The following CHID1 variants were observed in gnomAD, a reference collection of about 807,000 sequenced individuals.
The protein encoded by CHID1 is chitinase domain-containing protein 1.
Under a neutral mutation model 55.4 loss-of-function variants are expected in CHID1, and 44 were observed. The ratio of observed to expected loss-of-function variants is 0.79; its 90% CI spans 0.62 to 1.02. The LOEUF (loss-of-function observed/expected upper bound fraction) is 1.02. Among genes scored for constraint, CHID1 ranks in the 50% least tolerant of loss-of-function variants. The pLI, the probability that CHID1 is intolerant of heterozygous loss-of-function variation, is 0.00. For missense variants in CHID1, 491 were observed against 515.3 expected, an observed-to-expected ratio of 0.95 and a Z score of 0.46; for synonymous variants, 216 against 212.9, an observed-to-expected ratio of 1.01 and a Z score of -0.13.
At chr11:906,787 G>C (rs1039781265) in intron 1 of CHID1, among the ~76,000 whole-genome samples, 1 of 152,120 alleles carries the variant, frequency 6.6e-6, no homozygotes, top group East Asian at 1.9e-4. Context: ...ACACCACGTC[G>C]GGAGGCCAAG....
intron 8 of CHID1, among the ~76,000 whole-genome samples, chr11:886,946 C>T (rs1293445798): frequency 1.3e-5 from 2 of 152,238 alleles, no homozygotes; most frequent in East Asian, 1.9e-4. Flanking sequence ...CCCATCAGCT[C>T]CATGCACGCA....
chr11:877,363 C>G (rs1849585917), intron 10 of CHID1, among the ~76,000 whole-genome samples: 2 of 152,232 alleles, frequency 1.3e-5, no homozygotes, highest in East Asian at 3.8e-4. Flanking sequence ...CATTCCTCAG[C>G]CTCCTGAGTG....
chr11:878,475 A>G (rs1046479486), intron 10 of CHID1, among the ~76,000 whole-genome samples: 1 of 151,976 alleles, frequency 6.6e-6, no homozygotes, highest in African/African-American at 2.4e-5. Flanking sequence ...CTGAGGCAGA[A>G]TTGCTTGAAC....
chr11:914,591 G>A, upstream of CHID1: 1 of 1,288,894 alleles, frequency 7.8e-7, no homozygotes, highest in Non-Finnish European at 1.0e-6. Context: ...CTCGAAGGCT[G>A]GGAGTGGTGG....
rs188864021 is a variant in CHID1, at chr11:907,936, C to T, written c.-44+2839G>A. 5.3e-5 allele frequency among the ~76,000 whole-genome samples: 8 copies of T among 152,300 alleles called. No individual in the cohort carries two copies. The East Asian group carries it at 1.5e-3, about 29-fold the overall frequency. On this transcript the variant is annotated intron_variant, in intron 1 of 12. Transcript: ENST00000323578. ...TGTTTTCACTTCCTCTGAAACCGTC[C>T]CCTTGACCTGCTTTCTTCTGCAGAG... is the stretch of plus-strand genomic sequence containing the variant.
At chr11:906,486 G>A (rs1194716262) in intron 1 of CHID1, among the ~76,000 whole-genome samples, 1 of 152,082 alleles carries the variant, frequency 6.6e-6, no homozygotes, top group Non-Finnish European at 1.5e-5. Flanking sequence ...TGATCTGCCT[G>A]CCTCCCAAAA....
chr11:876,775 G>A (rs978003670), intron 10 of CHID1, among the ~76,000 whole-genome samples: 1 of 152,318 alleles, frequency 6.6e-6, no homozygotes, highest in South Asian at 2.1e-4. Context: ...CCAGCCTTGC[G>A]GGAGGTGGCC....
rs143686857 is a variant in CHID1, at chr11:885,624, CT to C, written c.702-1456del. Among the ~76,000 whole-genome samples, 452 of 152,336 alleles carry C rather than the reference CT, an allele frequency of 3.0e-3. 3 individuals carry two copies. Among genetic ancestry groups the C allele is most frequent in the African/African-American group, 0.011 (442 of 41,576 alleles). The stretch of plus-strand genomic sequence containing the variant: ...GGCCCTTCTCTATAGCCAAGTGCCC[CT>C]AAGACTTCAGCCCCAAATCCAGTTG... On this transcript the variant is annotated intron_variant, in intron 8 of 12. Transcript: ENST00000323578.
intron 8 of CHID1, among the ~76,000 whole-genome samples, chr11:885,030 A>G (rs1850289059): frequency 6.6e-6 from 1 of 152,188 alleles, no homozygotes; most frequent in Non-Finnish European, 1.5e-5. Flanking sequence ...GAAGGTCAAC[A>G]CCGAGGGGGC....
intron 8 of CHID1, among the ~76,000 whole-genome samples, chr11:886,142 C>CAATTGA (rs1408361497): frequency 5.0e-5 from 6 of 121,120 alleles, no homozygotes; most frequent in Middle Eastern, 4.7e-3. Flanking sequence ...CAAAGCAAGA[C>CAATTGA]TCCGTCTCAA....
intron 2 of CHID1, among the ~76,000 whole-genome samples, chr11:904,212 C>T (rs1483015919): frequency 1.3e-5 from 2 of 152,232 alleles, no homozygotes; most frequent in Admixed American, 1.3e-4. Flanking sequence ...AGGACTAGGT[C>T]ACAGTTACAG....
chr11:904,246 G>A (rs1482557877), intron 2 of CHID1, among the ~76,000 whole-genome samples: 1 of 152,198 alleles, frequency 6.6e-6, no homozygotes, highest in African/African-American at 2.4e-5. Flanking sequence ...TCTGGCCAGC[G>A]GCATGGGGAC....
At position 903,088 on chromosome 11, in the gene CHID1, C is replaced by A. The variant is rs150322657; in HGVS notation, c.135G>T (p.Val45=). The part of the protein sequence containing the change: ...LEKSQFSDKP[V]QDRGLVVTDL... ...CCGTCACCACCAAACCCCGGTCTTG[C>A]ACCGGCTTATCTGAAAACTGACTCT... is the stretch of plus-strand genomic sequence containing the variant. The change falls in exon 3 of 13, where the codon GTG becomes GTT. Residue 45 remains valine, a synonymous_variant. Coordinates refer to ENST00000323578, the MANE Select transcript of CHID1 (RefSeq NM_023947.4). 2 of 1,612,288 alleles carry A rather than the reference C, an allele frequency of 1.2e-6. No homozygotes were observed. The highest frequency in any genetic ancestry group is 8.5e-7 in the Non-Finnish European group (1 of 1,179,982).
At chr11:902,883 CAGA>C in intron 3 of CHID1, 76 bp downstream of exon 3, 1 of 1,397,530 alleles carries the variant, frequency 7.2e-7, no homozygotes. Flanking sequence ...ACTGACTGGC[CAGA>C]AGAGGCCATC....
chr11:879,128 G>A (rs1370268415), intron 10 of CHID1, among the ~76,000 whole-genome samples: 1 of 152,176 alleles, frequency 6.6e-6, no homozygotes, highest in Admixed American at 6.5e-5. Flanking sequence ...TTACAGGTGT[G>A]AGCCACAGTG....
chr11:888,840 G>A (rs1303980931), intron 8 of CHID1, among the ~76,000 whole-genome samples: 1 of 151,868 alleles, frequency 6.6e-6, no homozygotes, highest in African/African-American at 2.4e-5. Context: ...CAATGCCAGT[G>A]CCTGCCCACT....
chr11:907,442 G>A (rs538930027), intron 1 of CHID1, among the ~76,000 whole-genome samples: 33 of 151,526 alleles, frequency 2.2e-4, no homozygotes, highest in Non-Finnish European at 4.4e-4. Flanking sequence ...GATAGTGCCA[G>A]TGCACTCCAG....
chr11:896,081 C>T (rs28704736), intron 7 of CHID1, among the ~76,000 whole-genome samples: 62,911 of 150,772 alleles, frequency 0.42, 14,457 homozygotes, highest in Admixed American at 0.51. Context: ...TCTCAGCACC[C>T]GCAGCCTCCA....
intron 8 of CHID1, among the ~76,000 whole-genome samples, chr11:891,477 A>C (rs1294750984): frequency 6.6e-6 from 1 of 152,182 alleles, no homozygotes; most frequent in Admixed American, 6.5e-5. Context: ...CTAGGGCCAG[A>C]AGCTCAGGCA....
Sources: gnomAD v4.1 joint callset for allele counts (sites outside exome capture counted in the v4.1 genomes callset) on GRCh38, gnomAD v4.1.1 for gene constraint, MANE v1.5 for transcripts, NCBI Gene and HGNC (gene_info 2026-07-23, HGNC 2026-07-21) for gene names.